The following SPIDR variants were observed in gnomAD, a reference collection of about 807,000 sequenced individuals.
SPIDR encodes the protein scaffold protein involved in DNA repair, also known as DNA repair-scaffolding protein.
A neutral mutation model predicts 104.6 loss-of-function variants in SPIDR; 93 were observed. That is an observed-to-expected ratio of 0.89 (90% CI 0.75 to 1.06). The LOEUF (loss-of-function observed/expected upper bound fraction) is 1.06, where lower values mean the gene tolerates loss of function less well. Ranked by LOEUF, SPIDR falls within the 50% of genes least tolerant of loss-of-function variation. The pLI, the probability that SPIDR is intolerant of heterozygous loss-of-function variation, is 0.00. For synonymous variants in SPIDR, 431 were observed against 416.9 expected, an observed-to-expected ratio of 1.03 and a Z score of -0.41; for missense variants, 1,154 against 1,111.2, an observed-to-expected ratio of 1.04 and a Z score of -0.55.
rs1326028640 is a variant in SPIDR, at chr8:47,685,501, A to ATTTTTTTTTT, written c.1685+11563_1685+11564insTTTTTTTTTT. ...GTTTTATTTATTTATTTATTTATTT[A>ATTTTTTTTTT]TTTATTTATTTATTTATTTTTTTGA... is the stretch of plus-strand genomic sequence containing the variant. On this transcript the variant is annotated intron_variant, in intron 11 of 19. Coordinates refer to ENST00000297423, the MANE Select transcript of SPIDR (RefSeq NM_001080394.4). Among the ~76,000 whole-genome samples, 91 of 110,252 alleles carry ATTTTTTTTTT rather than the reference A, an allele frequency of 8.3e-4. 2 individuals are homozygous for ATTTTTTTTTT. Among genetic ancestry groups the ATTTTTTTTTT allele is most frequent in the East Asian group, 1.6e-3 (5 of 3,072 alleles). 72.3% of individuals were successfully genotyped at this position (110,252 alleles called of 152,430 possible). A position where few individuals can be genotyped will look rare whatever the true frequency, so the allele number is the denominator to read the frequency against.
At chr8:47,487,320 A>G (rs2077821177) in intron 8 of SPIDR, among the ~76,000 whole-genome samples, 1 of 152,186 alleles carries the variant, frequency 6.6e-6, no homozygotes, top group African/African-American at 2.4e-5. Context: ...CTAAATATAT[A>G]TGCACCCAGT....
chr8:47,724,315 C>T (rs2083880421), intron 16 of SPIDR, among the ~76,000 whole-genome samples: 1 of 152,188 alleles, frequency 6.6e-6, no homozygotes, highest in Non-Finnish European at 1.5e-5. Context: ...TTATCCAAGC[C>T]TCACATGCAG....
intron 10 of SPIDR, among the ~76,000 whole-genome samples, chr8:47,651,103 G>A (rs1462484470): frequency 6.6e-6 from 1 of 152,082 alleles, no homozygotes; most frequent in South Asian, 2.1e-4. Flanking sequence ...AAATAAATGG[G>A]ACCTAATTAA....
intron 10 of SPIDR, among the ~76,000 whole-genome samples, chr8:47,614,196 A>G (rs2063965950): frequency 6.6e-6 from 1 of 151,512 alleles, no homozygotes; most frequent in Admixed American, 6.6e-5. Flanking sequence ...TGCAAAGGAC[A>G]TGATCTCGTT....
intron 7 of SPIDR, among the ~76,000 whole-genome samples, chr8:47,421,548 G>C (rs781843838): frequency 1.3e-5 from 2 of 152,106 alleles, no homozygotes; most frequent in Non-Finnish European, 2.9e-5. Flanking sequence ...CTTTGCCATG[G>C]GTTTGAACTT....
intron 10 of SPIDR, among the ~76,000 whole-genome samples, chr8:47,657,007 G>A (rs1356821639): frequency 1.3e-5 from 2 of 152,202 alleles, no homozygotes; most frequent in Non-Finnish European, 2.9e-5. Flanking sequence ...GGACTCAGGG[G>A]AGGGGAGAAT....
intron 6 of SPIDR, among the ~76,000 whole-genome samples, chr8:47,400,932 A>C (rs1245378804): frequency 6.6e-6 from 1 of 152,170 alleles, no homozygotes; most frequent in African/African-American, 2.4e-5. Flanking sequence ...ATCCAGGAGA[A>C]CTGCCCCAAT....
intron 8 of SPIDR, among the ~76,000 whole-genome samples, chr8:47,486,072 T>C (rs552427364): frequency 6.6e-6 from 1 of 152,276 alleles, no homozygotes; most frequent in East Asian, 1.9e-4. Flanking sequence ...AGGAAGAAGT[T>C]TGAACCCATC....
chr8:47,653,859 C>CAA, intron 10 of SPIDR: 64 of 444,190 alleles, frequency 1.4e-4, no homozygotes, highest in South Asian at 2.0e-4. Context: ...AACTAAAAGA[C>CAA]AAAAAAAAAA....
intron 8 of SPIDR, among the ~76,000 whole-genome samples, chr8:47,577,429 A>G (rs974222278): frequency 2.0e-5 from 3 of 152,230 alleles, no homozygotes; most frequent in African/African-American, 7.2e-5. Flanking sequence ...GGTAAACTTG[A>G]GATGTGTGCT....
rs1437141196 is a variant in SPIDR, at chr8:47,617,040, T to TA, written c.1544+17844_1544+17845insA. Among the ~76,000 whole-genome samples the TA allele has an allele frequency of 5.3e-5, 8 of 152,302 alleles. No homozygotes were observed. In the East Asian group the frequency reaches 1.5e-3, roughly 29 times the overall value. ...AGAGGATCCCTTATTTTGTGTTTTT[T>TA]TTATATATATTTAGACAGGTATGGA... On this transcript the variant is annotated intron_variant, in intron 10 of 19. Coordinates refer to ENST00000297423, the MANE Select transcript of SPIDR (RefSeq NM_001080394.4).
intron 7 of SPIDR, among the ~76,000 whole-genome samples, chr8:47,439,767 C>G (rs2069040082): frequency 6.6e-6 from 1 of 152,114 alleles, no homozygotes; most frequent in Non-Finnish European, 1.5e-5. Context: ...AATAAGGAAA[C>G]CAGCACTTGA....
intron 8 of SPIDR, among the ~76,000 whole-genome samples, chr8:47,487,017 A>C (rs927388873): frequency 1.3e-5 from 2 of 152,214 alleles, no homozygotes; most frequent in Non-Finnish European, 2.9e-5. Context: ...CCTTAAATGT[A>C]AATGGGCTAA....
chr8:47,585,115 ATAAT>A (rs2060128592), intron 8 of SPIDR, among the ~76,000 whole-genome samples: 1 of 152,216 alleles, frequency 6.6e-6, no homozygotes, highest in South Asian at 2.1e-4. Flanking sequence ...AGCTTTACGT[ATAAT>A]TAATCATATG....
chr8:47,375,956 G>A (rs569606758), intron 5 of SPIDR, among the ~76,000 whole-genome samples: 1 of 152,260 alleles, frequency 6.6e-6, no homozygotes, highest in South Asian at 2.1e-4. Context: ...CTGAGACAGT[G>A]TTCCCAGGAA....
chr8:47,322,524 G>T (rs182871160), intron 5 of SPIDR, among the ~76,000 whole-genome samples: 5 of 152,336 alleles, frequency 3.3e-5, no homozygotes, highest in Admixed American at 1.3e-4. Context: ...GTGGAAGTCA[G>T]TGTGGCGATT....
chr8:47,456,932 A>G (rs2073082229), intron 8 of SPIDR, among the ~76,000 whole-genome samples: 1 of 152,156 alleles, frequency 6.6e-6, no homozygotes, highest in African/African-American at 2.4e-5. Context: ...AATGACATTA[A>G]TTCATTCCTT....
chr8:47,728,452 GAAAA>G (rs981107053), intron 17 of SPIDR, among the ~76,000 whole-genome samples: 1 of 146,638 alleles, frequency 6.8e-6, no homozygotes, highest in Non-Finnish European at 1.5e-5. Context: ...CAAAGAAAAG[GAAAA>G]AAAAAACACA....
At chr8:47,527,608 A>G (rs2154383004) in intron 8 of SPIDR, 1 of 152,396 alleles carries the variant, frequency 6.6e-6, no homozygotes, top group Non-Finnish European at 1.5e-5. Flanking sequence ...CTAGCAAACA[A>G]TAAAGACGGC....
Sources: gnomAD v4.1 joint callset for allele counts (sites outside exome capture counted in the v4.1 genomes callset) on GRCh38, gnomAD v4.1.1 for gene constraint, MANE v1.5 for transcripts, NCBI Gene and HGNC (gene_info 2026-07-23, HGNC 2026-07-21) for gene names.